The following ITPK1 variants were observed in gnomAD, a reference collection of about 807,000 sequenced individuals.
ITPK1 encodes the protein inositol-tetrakisphosphate 1-kinase.
Under a neutral mutation model 45.3 loss-of-function variants are expected in ITPK1, and 21 were observed. The ratio of observed to expected loss-of-function variants is 0.46; its 90% CI spans 0.33 to 0.67. The LOEUF (loss-of-function observed/expected upper bound fraction) is 0.67, where lower values mean the gene tolerates loss of function less well. Ranked by LOEUF, ITPK1 falls within the 30% of genes least tolerant of loss-of-function variation. ITPK1 has a pLI of 0.02. For missense variants in ITPK1, 474 were observed against 573.5 expected (o/e 0.83, Z 1.77); for synonymous variants, 258 against 253.6 (o/e 1.02, Z -0.16).
intron 10 of ITPK1, 136 bp downstream of exon 10, chr14:92,946,195 G>A (rs1017648059): frequency 1.9e-5 from 19 of 998,724 alleles, no homozygotes; most frequent in South Asian, 5.9e-5. Context: ...GAGGCTTCTC[G>A]GGGCTGCACC....
chr14:92,988,993 G>C (rs1253733075), intron 5 of ITPK1, among the ~76,000 whole-genome samples: 1 of 152,106 alleles, frequency 6.6e-6, no homozygotes, highest in African/African-American at 2.4e-5. Context: ...CTGAGGCCTT[G>C]ACTCCAAGTC....
chr14:93,027,950 A>C (rs998490206), intron 3 of ITPK1, among the ~76,000 whole-genome samples: 1 of 152,204 alleles, frequency 6.6e-6, no homozygotes, highest in Non-Finnish European at 1.5e-5. Flanking sequence ...CCCAGAGAGC[A>C]GTGGGAAAAA....
intron 3 of ITPK1, among the ~76,000 whole-genome samples, chr14:93,045,067 CA>C (rs1471218485): frequency 8.5e-5 from 13 of 152,264 alleles, no homozygotes; most frequent in African/African-American, 3.1e-4. Context: ...AGCCCAGTGC[CA>C]TGCTGCTTTT....
Position 92,958,090 on chromosome 14 carries a change from C to A in ITPK1, c.670+111G>T. 1 of 1,025,240 alleles carries A rather than the reference C, an allele frequency of 9.8e-7. No individual in the cohort carries two copies. Among genetic ancestry groups the A allele is most frequent in the Admixed American group, 1.9e-5 (1 of 52,092 alleles). 63.5% of individuals were successfully genotyped at this position (1,025,240 alleles called of 1,614,324 possible). A position where few individuals can be genotyped will look rare whatever the true frequency, so the allele number is the denominator to read the frequency against. ...CCACCTTTAGAGCACCTCTCCATCC[C>A]ACCAAGAACACAGGGTGGTTGGGGC... On this transcript the variant is annotated intron_variant, in intron 8 of 10. Transcript: ENST00000267615. This position sits in a 1 kb window ranked among gnomAD's most constrained non-coding sequence, Gnocchi z 4.4.
At chr14:93,109,018 T>C (rs573262853) in intron 2 of ITPK1, among the ~76,000 whole-genome samples, 2 of 152,064 alleles carry the variant, frequency 1.3e-5, no homozygotes, top group African/African-American at 2.4e-5. Context: ...GTCTCACACA[T>C]ACACACAAAA....
chr14:93,103,451 G>A (rs562481972), intron 2 of ITPK1, among the ~76,000 whole-genome samples: 13 of 151,982 alleles, frequency 8.6e-5, no homozygotes, highest in South Asian at 2.1e-4. Flanking sequence ...AGAAACTCAC[G>A]AGCCCAGGAC....
Position 92,941,101 on chromosome 14 carries a change from G to T in ITPK1, c.*460C>A. 1 of 1,201,924 alleles carries T rather than the reference G, an allele frequency of 8.3e-7. No homozygotes were observed. The allele number at this position is 1,201,924 out of a possible 1,614,324, so 74.5% of individuals were successfully genotyped here. ...AAACAAGGAAGGGGCAGGTCAGGGAGTGGGGAGTCAGGCAGAAGGGAAGCC... is the reference window on the plus strand; with the variant it reads ...AAACAAGGAAGGGGCAGGTCAGGGATTGGGGAGTCAGGCAGAAGGGAAGCC... On this transcript the variant is annotated 3_prime_UTR_variant, in exon 11 of 11. Transcript: ENST00000267615.
At chr14:93,003,141 G>A (rs988930429) in intron 4 of ITPK1, among the ~76,000 whole-genome samples, 5 of 152,230 alleles carry the variant, frequency 3.3e-5, no homozygotes, top group Non-Finnish European at 5.9e-5. Flanking sequence ...CCCCTGCAGG[G>A]GGAGGACTAA....
intron 3 of ITPK1, among the ~76,000 whole-genome samples, chr14:93,042,680 G>C (rs1249303717): frequency 6.6e-6 from 1 of 152,152 alleles, no homozygotes; most frequent in Non-Finnish European, 1.5e-5. Context: ...AAACTGGTGG[G>C]CAAAGAAAGG....
intron 3 of ITPK1, among the ~76,000 whole-genome samples, chr14:93,062,580 C>T (rs779389442): frequency 3.9e-5 from 6 of 152,134 alleles, no homozygotes; most frequent in Non-Finnish European, 5.9e-5. Context: ...TTTGTTCCCA[C>T]AAGCTACACA....
chr14:93,004,817 G>A (rs1887531435), intron 4 of ITPK1, among the ~76,000 whole-genome samples: 1 of 147,590 alleles, frequency 6.8e-6, no homozygotes, highest in Non-Finnish European at 1.5e-5. Flanking sequence ...GGAGGAGCCT[G>A]CTGAGGTTGG....
chr14:93,085,779 T>G (rs1164969221), intron 2 of ITPK1, among the ~76,000 whole-genome samples: 1 of 152,238 alleles, frequency 6.6e-6, no homozygotes, highest in Non-Finnish European at 1.5e-5. Flanking sequence ...GCTCTCGACA[T>G]CCCCGCTTTT....
chr14:93,046,819 C>G (rs1889798557), intron 3 of ITPK1, among the ~76,000 whole-genome samples: 2 of 152,226 alleles, frequency 1.3e-5, no homozygotes, highest in South Asian at 4.1e-4. Context: ...CCCACCCAGG[C>G]TGCGAACCCC....
intron 4 of ITPK1, among the ~76,000 whole-genome samples, chr14:93,006,120 C>T (rs900398315): frequency 1.3e-5 from 2 of 152,190 alleles, no homozygotes; most frequent in African/African-American, 4.8e-5. Flanking sequence ...TGTGCCAGCT[C>T]GTTCAGGACT....
At chr14:92,984,517 T>G (rs142686055) in intron 5 of ITPK1, among the ~76,000 whole-genome samples, 2,770 of 152,336 alleles carry the variant, frequency 0.018, 72 homozygotes, top group Admixed American at 0.08. Context: ...ATATGAAGTA[T>G]CAGTGCATCT....
At position 93,012,778 on chromosome 14, in the gene ITPK1, G is replaced by C. The variant is rs1175068865; in HGVS notation, c.246+3898C>G. On this transcript the variant is annotated intron_variant, in intron 4 of 10. Transcript: ENST00000267615. The surrounding 1 kb of genome is among the most constrained non-coding windows in gnomAD (Gnocchi z 4.9). Reference sequence around the variant, plus strand: ...TTCCAGCTGATAAAGACAGGGCAAAGGCAGCAGTTGAGACTGAAACTTCCT... The same window carrying C: ...TTCCAGCTGATAAAGACAGGGCAAACGCAGCAGTTGAGACTGAAACTTCCT... Among the ~76,000 whole-genome samples, 2 of 152,222 alleles carry C rather than the reference G, an allele frequency of 1.3e-5. No homozygotes were observed. Among genetic ancestry groups the C allele is most frequent in the African/African-American group, 2.4e-5 (1 of 41,462 alleles).
intron 5 of ITPK1, among the ~76,000 whole-genome samples, chr14:92,970,208 T>C (rs1271119094): frequency 6.6e-6 from 1 of 152,228 alleles, no homozygotes; most frequent in Non-Finnish European, 1.5e-5. Context: ...AGGGGCAGTT[T>C]TGAAGCCAGC....
At chr14:92,963,992 C>T (rs1480820786) in intron 5 of ITPK1, among the ~76,000 whole-genome samples, 1 of 152,198 alleles carries the variant, frequency 6.6e-6, no homozygotes, top group Non-Finnish European at 1.5e-5. Flanking sequence ...GAGCTGCTAG[C>T]TACTTGGCTG....
chr14:92,942,597 G>A (rs1197675228), intron 10 of ITPK1, among the ~76,000 whole-genome samples: 1 of 152,188 alleles, frequency 6.6e-6, no homozygotes, highest in Non-Finnish European at 1.5e-5. Context: ...CGGAAATGCT[G>A]GGCATCACTA....
Sources: gnomAD v4.1 joint callset for allele counts (sites outside exome capture counted in the v4.1 genomes callset) on GRCh38, gnomAD v4.1.1 for gene constraint, Gnocchi (gnomAD v3.1) non-coding constraint, MANE v1.5 for transcripts, NCBI Gene and HGNC (gene_info 2026-07-23, HGNC 2026-07-21) for gene names.